Variants in ERC2 observed in about 807,000 individuals in gnomAD.
ERC2 encodes the protein ERC protein 2.
ERC2 carries 42 observed loss-of-function variants against 114.8 expected under a neutral mutation model. The observed-to-expected ratio is 0.37, with a 90% CI of 0.29 to 0.47. The LOEUF is 0.47. ERC2 is among the 20% of genes least tolerant of loss of function. The probability of loss-of-function intolerance (pLI) is 0.99; values close to 1 mark genes in which losing one functional copy is unlikely to be tolerated. For synonymous variants in ERC2, 454 were observed against 425.5 expected (o/e 1.07, Z -0.82); for missense variants, 939 against 1,150.7 (o/e 0.82, Z 2.66).
intron 17 of ERC2, among the ~76,000 whole-genome samples, chr3:55,561,353 C>T (rs959337827): frequency 6.6e-6 from 1 of 152,008 alleles, no homozygotes; most frequent in African/African-American, 2.4e-5. Context: ...TTTTTGGAAG[C>T]CCACAGAAAC....
intron 14 of ERC2, among the ~76,000 whole-genome samples, chr3:55,866,229 T>C (rs771804316): frequency 2.0e-5 from 3 of 152,210 alleles, no homozygotes; most frequent in Admixed American, 1.3e-4. Context: ...TCTTTTCATA[T>C]GCTTACTGGT....
intron 14 of ERC2, among the ~76,000 whole-genome samples, chr3:55,779,967 T>C (rs2068910525): frequency 6.6e-6 from 1 of 152,042 alleles, no homozygotes; most frequent in Admixed American, 6.6e-5. Context: ...TAGAAGAAAA[T>C]GTTCATGAGG....
chr3:55,781,331 C>T (rs1245000806), intron 14 of ERC2, among the ~76,000 whole-genome samples: 1 of 152,152 alleles, frequency 6.6e-6, no homozygotes, highest in Non-Finnish European at 1.5e-5. Flanking sequence ...TGAGACCCTC[C>T]AGCCCTGAAA....
intron 17 of ERC2, among the ~76,000 whole-genome samples, chr3:55,602,283 C>A (rs2058438452): frequency 6.6e-6 from 1 of 152,146 alleles, no homozygotes; most frequent in African/African-American, 2.4e-5. Context: ...TGAGAGAAGG[C>A]AGTTCTCTGG....
intron 2 of ERC2, among the ~76,000 whole-genome samples, chr3:56,310,912 G>C (rs1489330582): frequency 2.0e-5 from 3 of 151,912 alleles, no homozygotes; most frequent in Admixed American, 1.3e-4. Context: ...TTTTACTACT[G>C]ATTTAAGATT....
In ERC2 at chr3:55,829,748, C is replaced by A. The variant is rs188863831; in HGVS notation, c.2564+58641G>T. Among the ~76,000 whole-genome samples, 1,046 of 152,266 alleles carry A rather than the reference C, an allele frequency of 6.9e-3. 9 individuals are homozygous for A. Among genetic ancestry groups the A allele is most frequent in the African/African-American group, 0.024 (1,003 of 41,548 alleles). ...TTGCCCAGGCTGGTCTCATCTCAAA[C>A]TCCTGGGCTCAAGTGATCCTCCTGC... is the stretch of plus-strand genomic sequence containing the variant. On this transcript the variant is annotated intron_variant, in intron 14 of 17. Transcript: ENST00000288221.
chr3:56,001,552 T>C (rs780089510), intron 10 of ERC2, among the ~76,000 whole-genome samples: 4 of 152,060 alleles, frequency 2.6e-5, no homozygotes, highest in Non-Finnish European at 5.9e-5. Flanking sequence ...AATTAGTCAC[T>C]GAAAAGACTG....
intron 14 of ERC2, among the ~76,000 whole-genome samples, chr3:55,818,407 A>G (rs76544526): frequency 1.1e-3 from 167 of 152,352 alleles, no homozygotes; most frequent in Non-Finnish European, 2.0e-3. Flanking sequence ...AATGATATCA[A>G]TGTATATCTC....
intron 2 of ERC2, among the ~76,000 whole-genome samples, chr3:56,341,126 C>G (rs1339802799): frequency 6.6e-6 from 1 of 152,104 alleles, no homozygotes; most frequent in African/African-American, 2.4e-5. Flanking sequence ...AAAATTAAAA[C>G]AGATTTGCAA....
chr3:56,242,415 AC>A (rs1439374372), intron 3 of ERC2, among the ~76,000 whole-genome samples: 8 of 152,270 alleles, frequency 5.3e-5, no homozygotes, highest in African/African-American at 1.9e-4. Context: ...CCACTGAAGG[AC>A]TTATCCATAT....
At chr3:56,192,108 T>G (rs1342979127) in intron 3 of ERC2, among the ~76,000 whole-genome samples, 1 of 152,104 alleles carries the variant, frequency 6.6e-6, no homozygotes, top group Non-Finnish European at 1.5e-5. Context: ...AGATTCAATC[T>G]CCAGCCTTTC....
chr3:55,767,580 C>A (rs961906824), intron 14 of ERC2, among the ~76,000 whole-genome samples: 1 of 152,166 alleles, frequency 6.6e-6, no homozygotes, highest in African/African-American at 2.4e-5. Flanking sequence ...TGCGTATAGA[C>A]CTCTAAGAAG....
At chr3:56,111,772 C>T (rs746639198) in intron 6 of ERC2, among the ~76,000 whole-genome samples, 1 of 152,190 alleles carries the variant, frequency 6.6e-6, no homozygotes, top group Non-Finnish European at 1.5e-5. Flanking sequence ...AGCCAAATGG[C>T]TCATTATGTG....
intron 2 of ERC2, among the ~76,000 whole-genome samples, chr3:56,297,868 C>A (rs180724204): frequency 1.4e-3 from 211 of 152,238 alleles, no homozygotes; most frequent in Non-Finnish European, 2.2e-3. Context: ...CTGAGTGTGG[C>A]CTACACCCAG....
At chr3:55,961,656 C>T (rs959914502) in intron 12 of ERC2, among the ~76,000 whole-genome samples, 2 of 152,018 alleles carry the variant, frequency 1.3e-5, no homozygotes, top group African/African-American at 2.4e-5. Flanking sequence ...TCACTTTGGT[C>T]AATGGATGAA....
intron 6 of ERC2, among the ~76,000 whole-genome samples, chr3:56,121,947 C>T (rs1262122019): frequency 6.6e-6 from 1 of 152,208 alleles, no homozygotes; most frequent in Non-Finnish European, 1.5e-5. Flanking sequence ...ATCCCACCTA[C>T]AGCTCAGCCC....
intron 2 of ERC2, among the ~76,000 whole-genome samples, chr3:56,344,649 C>T (rs1219827083): frequency 6.6e-6 from 1 of 152,162 alleles, no homozygotes; most frequent in Non-Finnish European, 1.5e-5. Context: ...CAAGCCACCC[C>T]CAACATTCCA....
At chr3:55,782,871 T>C (rs1495370) in intron 14 of ERC2, among the ~76,000 whole-genome samples, 14,459 of 152,258 alleles carry the variant, frequency 0.095, 1,081 homozygotes, top group African/African-American at 0.2. Flanking sequence ...ATCAAATTAG[T>C]ATTTGACAAA....
At chr3:56,184,627 G>A (rs190847384) in intron 3 of ERC2, among the ~76,000 whole-genome samples, 2 of 152,198 alleles carry the variant, frequency 1.3e-5, no homozygotes, top group East Asian at 3.9e-4. Flanking sequence ...TAAGACCTGA[G>A]TACAAGCACG....
Sources: gnomAD v4.1 joint callset for allele counts (sites outside exome capture counted in the v4.1 genomes callset) on GRCh38, gnomAD v4.1.1 for gene constraint, MANE v1.5 for transcripts, NCBI Gene and HGNC (gene_info 2026-07-23, HGNC 2026-07-21) for gene names.